KLF12: variants seen among roughly 807,000 people sequenced by gnomAD.
KLF12 encodes Krueppel-like factor 12.
KLF12 carries 9 observed loss-of-function variants against 37.8 expected under a neutral mutation model. The observed-to-expected ratio is 0.24, with a 90% CI of 0.14 to 0.42. The LOEUF (loss-of-function observed/expected upper bound fraction) is 0.42. Among genes scored for constraint, KLF12 ranks in the 10% least tolerant of loss-of-function variants. The probability of loss-of-function intolerance (pLI) is 1.00; values close to 1 mark genes in which losing one functional copy is unlikely to be tolerated. For synonymous variants in KLF12, 208 were observed against 202.1 expected, an observed-to-expected ratio of 1.03 and a Z score of -0.25; for missense variants, 411 against 516.0, an observed-to-expected ratio of 0.80 and a Z score of 1.97.
intron 6 of KLF12, among the ~76,000 whole-genome samples, chr13:73,756,960 T>C (rs1275588602): frequency 6.6e-6 from 1 of 152,176 alleles, no homozygotes; most frequent in Admixed American, 6.6e-5. Flanking sequence ...ACCTACCTTA[T>C]GTCCTGAAAA....
rs185667985 is a variant in KLF12 at position 73,828,553 on chromosome 13, C to T, written c.671-15266G>A. On this transcript the variant is annotated intron_variant, in intron 4 of 7. Coordinates refer to ENST00000377669, the MANE Select transcript of KLF12 (RefSeq NM_007249.5). ...TCCAACTGGCCAACAAATTCTATCA[C>T]ATTTCCATTCACACCACCCTGCTCA... is the stretch of plus-strand genomic sequence containing the variant. Among the ~76,000 whole-genome samples, 116 of 152,288 alleles carry T rather than the reference C, an allele frequency of 7.6e-4. 1 individual carries two copies. Among genetic ancestry groups the T allele is most frequent in the Admixed American group, 3.5e-3 (53 of 15,296 alleles).
At chr13:73,890,010 T>C (rs9565057) in intron 3 of KLF12, among the ~76,000 whole-genome samples, 33,137 of 151,998 alleles carry the variant, frequency 0.22, 4,468 homozygotes, top group East Asian at 0.56. Context: ...TATAAAGCTA[T>C]GATAATTTGA....
the KLF12 span, among the ~76,000 whole-genome samples, chr13:74,261,412 A>G: frequency 6.6e-6 from 1 of 152,214 alleles, no homozygotes; most frequent in Non-Finnish European, 1.5e-5. Context: ...ATTTCAAAAT[A>G]AAAGTGCTTC....
At chr13:74,056,845 C>T (rs1873271920) in intron 1 of KLF12, among the ~76,000 whole-genome samples, 1 of 152,122 alleles carries the variant, frequency 6.6e-6, no homozygotes, top group Non-Finnish European at 1.5e-5. Flanking sequence ...TGAAATTCAT[C>T]TCAGTGGAAA....
At chr13:74,252,349 G>T in the KLF12 span, among the ~76,000 whole-genome samples, 1 of 152,312 alleles carries the variant, frequency 6.6e-6, no homozygotes, top group South Asian at 2.1e-4. Flanking sequence ...CAGAAATGTG[G>T]TTAACTCTTG....
the KLF12 span, among the ~76,000 whole-genome samples, chr13:74,215,904 G>A: frequency 1.3e-5 from 2 of 152,118 alleles, no homozygotes; most frequent in Admixed American, 1.3e-4. Flanking sequence ...CATGTTTCTG[G>A]TGTCCATGAA....
At chr13:73,794,897 A>G (rs1881876938) in intron 5 of KLF12, among the ~76,000 whole-genome samples, 1 of 152,188 alleles carries the variant, frequency 6.6e-6, no homozygotes, top group Non-Finnish European at 1.5e-5. Context: ...CAGATTGCTT[A>G]TGTTCTCTGT....
intron 1 of KLF12, among the ~76,000 whole-genome samples, chr13:74,033,282 T>C (rs1393108144): frequency 6.6e-6 from 1 of 152,242 alleles, no homozygotes; most frequent in South Asian, 2.1e-4. Context: ...ATTGTTACTC[T>C]ATTTGGTGTA....
intron 1 of KLF12, among the ~76,000 whole-genome samples, chr13:74,120,761 A>C (rs1036987301): frequency 6.6e-6 from 1 of 152,128 alleles, no homozygotes; most frequent in African/African-American, 2.4e-5. Flanking sequence ...AAGAGAAAAA[A>C]ATGGCAATAT....
chr13:73,881,835 T>C (rs1329328615), intron 3 of KLF12, among the ~76,000 whole-genome samples: 1 of 152,198 alleles, frequency 6.6e-6, no homozygotes, highest in Non-Finnish European at 1.5e-5. Context: ...AGATCATGAA[T>C]GCTCTTCCTC....
At chr13:73,975,820 T>C (rs1308262258) in intron 2 of KLF12, among the ~76,000 whole-genome samples, 1 of 152,184 alleles carries the variant, frequency 6.6e-6, no homozygotes, top group Non-Finnish European at 1.5e-5. Context: ...CCTCTAATCA[T>C]CTGTAGGTCT....
intron 4 of KLF12, among the ~76,000 whole-genome samples, chr13:73,832,906 T>G (rs77523932): frequency 0.021 from 3,266 of 152,304 alleles, 109 homozygotes; most frequent in African/African-American, 0.073. Flanking sequence ...AATGGTCGAT[T>G]TATTTCATAA....
chr13:73,877,508 G>C (rs1052789290), intron 3 of KLF12, among the ~76,000 whole-genome samples: 1 of 152,082 alleles, frequency 6.6e-6, no homozygotes, highest in Admixed American at 6.5e-5. Flanking sequence ...CAGAATTATA[G>C]TGAGTGACCA....
chr13:73,897,120 T>C (rs1158082185), intron 3 of KLF12, among the ~76,000 whole-genome samples: 2 of 152,110 alleles, frequency 1.3e-5, no homozygotes. Flanking sequence ...ACCTTATCAT[T>C]TCTGAGTTAT....
chr13:74,183,861 T>TGG, the KLF12 span, among the ~76,000 whole-genome samples: 1 of 152,290 alleles, frequency 6.6e-6, no homozygotes, highest in East Asian at 1.9e-4. Flanking sequence ...TGCTTGAGCC[T>TGG]GGGGGACGGA....
At chr13:74,106,110 G>A (rs1276729014) in intron 1 of KLF12, among the ~76,000 whole-genome samples, 1 of 152,136 alleles carries the variant, frequency 6.6e-6, no homozygotes, top group Non-Finnish European at 1.5e-5. Flanking sequence ...GACACTCTCA[G>A]TCAATTATAT....
chr13:74,078,051 G>A (rs576455553), intron 1 of KLF12, among the ~76,000 whole-genome samples: 2 of 152,100 alleles, frequency 1.3e-5, no homozygotes, highest in African/African-American at 4.8e-5. Flanking sequence ...ATATTGCAGC[G>A]ACTCCATGTG....
At chr13:74,287,349 T>TGAGAGAGAAAGAGA in the KLF12 span, among the ~76,000 whole-genome samples, 3 of 71,866 alleles carry the variant, frequency 4.2e-5, no homozygotes, top group African/African-American at 1.8e-4. Flanking sequence ...CTATCAAAGT[T>TGAGAGAGAAAGAGA]GAGAGAGAGA....
At chr13:73,969,856 G>C (rs1248039740) in intron 2 of KLF12, among the ~76,000 whole-genome samples, 1 of 152,184 alleles carries the variant, frequency 6.6e-6, no homozygotes, top group Admixed American at 6.5e-5. Context: ...GCAGTACAGA[G>C]AGAGAGAAAA....
Sources: allele counts gnomAD v4.1 joint callset (sites outside exome capture counted in the v4.1 genomes callset), GRCh38; gene constraint gnomAD v4.1.1; transcripts MANE v1.5; gene names NCBI Gene and HGNC (gene_info 2026-07-23, HGNC 2026-07-21).